RAB38: variants seen among roughly 807,000 people sequenced by gnomAD.
RAB38 encodes the protein RAB38, member RAS oncogene family, also known as ras-related protein Rab-38.
In RAB38, 15 loss-of-function variants were observed where a neutral mutation model predicts 18.4. That is an observed-to-expected ratio of 0.82 (90% CI 0.55 to 1.26). The LOEUF (loss-of-function observed/expected upper bound fraction) is 1.26. Ranked by LOEUF, RAB38 falls within the 50% of genes most tolerant of loss-of-function variation. The pLI is 0.00. For synonymous variants in RAB38, 101 were observed against 104.4 expected (o/e 0.97, Z 0.20); for missense variants, 294 against 267.4 (o/e 1.10, Z -0.69).
chr11:88,004,014 G>T, the RAB38 span, among the ~76,000 whole-genome samples: 1 of 135,056 alleles, frequency 7.4e-6, no homozygotes, highest in Non-Finnish European at 1.6e-5. Context: ...AAAGGTATAT[G>T]TACCTTCTCT....
the RAB38 span, among the ~76,000 whole-genome samples, chr11:87,876,914 A>G: frequency 6.6e-6 from 1 of 151,616 alleles, no homozygotes; most frequent in Admixed American, 6.6e-5. Context: ...TAAACACATA[A>G]TATAGTTTCA....
At chr11:87,857,959 A>G in the RAB38 span, among the ~76,000 whole-genome samples, 1 of 152,100 alleles carries the variant, frequency 6.6e-6, no homozygotes, top group Non-Finnish European at 1.5e-5. Flanking sequence ...CCTGAATGCT[A>G]TTGCCTAGGT....
At chr11:87,886,829 T>G in the RAB38 span, among the ~76,000 whole-genome samples, 1 of 151,432 alleles carries the variant, frequency 6.6e-6, no homozygotes, top group Non-Finnish European at 1.5e-5. Flanking sequence ...CACTTGTTTT[T>G]TTTTTTTTTT....
the RAB38 span, among the ~76,000 whole-genome samples, chr11:88,084,153 A>C: frequency 1.3e-5 from 2 of 151,870 alleles, no homozygotes; most frequent in Non-Finnish European, 2.9e-5. Flanking sequence ...AATGTGTGTG[A>C]CAATAAGGCT....
intron 1 of RAB38, among the ~76,000 whole-genome samples, chr11:88,159,250 T>TA (rs1943160903): frequency 7.1e-6 from 1 of 141,806 alleles, no homozygotes; most frequent in African/African-American, 2.6e-5. Flanking sequence ...TAAAATAAAA[T>TA]ACCTAGGAAT....
chr11:87,854,751 A>C, the RAB38 span, among the ~76,000 whole-genome samples: 1 of 152,154 alleles, frequency 6.6e-6, no homozygotes, highest in Admixed American at 6.6e-5. Context: ...CTATAGGGTA[A>C]ATTTTATTCC....
At chr11:87,844,133 G>A in the RAB38 span, among the ~76,000 whole-genome samples, 1 of 152,012 alleles carries the variant, frequency 6.6e-6, no homozygotes, top group Non-Finnish European at 1.5e-5. Context: ...ATTATGCTCT[G>A]TAGTTTAAAA....
At chr11:87,947,235 G>T in the RAB38 span, among the ~76,000 whole-genome samples, 1 of 150,232 alleles carries the variant, frequency 6.7e-6, no homozygotes, top group Non-Finnish European at 1.5e-5. Flanking sequence ...TTTTGATGGG[G>T]TTGTTTTTTT....
At chr11:88,017,208 T>C in the RAB38 span, among the ~76,000 whole-genome samples, 992 of 152,130 alleles carry the variant, frequency 6.5e-3, 9 homozygotes, top group African/African-American at 0.023. Flanking sequence ...CATTTAGGGG[T>C]AGGATCAGAA....
At chr11:87,924,076 T>C in the RAB38 span, among the ~76,000 whole-genome samples, 1 of 151,836 alleles carries the variant, frequency 6.6e-6, no homozygotes, top group African/African-American at 2.4e-5. Flanking sequence ...ACACTTGGCA[T>C]TGTTCTAAGT....
the RAB38 span, among the ~76,000 whole-genome samples, chr11:87,832,589 A>T: frequency 6.6e-6 from 1 of 151,832 alleles, no homozygotes; most frequent in Admixed American, 6.6e-5. Context: ...CTCTCGCAGA[A>T]CTCTCTCCAG....
chr11:88,154,884 T>G (rs1302236908), intron 1 of RAB38, among the ~76,000 whole-genome samples: 1 of 152,088 alleles, frequency 6.6e-6, no homozygotes, highest in Non-Finnish European at 1.5e-5. Flanking sequence ...CAGGCAAATA[T>G]CCAGCCATTA....
At chr11:88,091,748 C>A in the RAB38 span, among the ~76,000 whole-genome samples, 750 of 152,042 alleles carry the variant, frequency 4.9e-3, 4 homozygotes, top group African/African-American at 0.017. Context: ...GGGTTCTTGG[C>A]TTTAGCTGGG....
the RAB38 span, among the ~76,000 whole-genome samples, chr11:88,031,829 C>T: frequency 6.6e-6 from 1 of 152,170 alleles, no homozygotes; most frequent in African/African-American, 2.4e-5. Context: ...GATTCAATAC[C>T]ATTCCCATGA....
At chr11:88,061,486 G>A in the RAB38 span, among the ~76,000 whole-genome samples, 304 of 152,274 alleles carry the variant, frequency 2.0e-3, 3 homozygotes, top group South Asian at 0.03. Flanking sequence ...AGATGAAGAC[G>A]TCACTTTGTT....
the RAB38 span, among the ~76,000 whole-genome samples, chr11:88,048,389 A>G: frequency 6.6e-6 from 1 of 152,128 alleles, no homozygotes. Flanking sequence ...GGCTCTTGGT[A>G]TTCAGTGGAA....
At chr11:87,962,108 C>G in the RAB38 span, among the ~76,000 whole-genome samples, 2 of 152,142 alleles carry the variant, frequency 1.3e-5, no homozygotes, top group African/African-American at 4.8e-5. Flanking sequence ...TGGAAGTTCT[C>G]TATAAATTGA....
intron 2 of RAB38, among the ~76,000 whole-genome samples, chr11:88,144,384 AAAG>A (rs1218072292): frequency 2.6e-5 from 4 of 152,202 alleles, no homozygotes; most frequent in African/African-American, 4.8e-5. Flanking sequence ...AAAGGAAGCA[AAAG>A]AAGAAAGTTT....
the RAB38 span, among the ~76,000 whole-genome samples, chr11:88,076,956 C>CA: frequency 0.028 from 1,190 of 43,024 alleles, 74 homozygotes; most frequent in Non-Finnish European, 0.037. Context: ...GAGACTCCAT[C>CA]AAAAAAAAAA....
Sources: gnomAD v4.1 joint callset for allele counts (sites outside exome capture counted in the v4.1 genomes callset) on GRCh38, gnomAD v4.1.1 for gene constraint, MANE v1.5 for transcripts, NCBI Gene and HGNC (gene_info 2026-07-23, HGNC 2026-07-21) for gene names.